The following RALB variants were observed in gnomAD, a reference collection of about 807,000 sequenced individuals.
RALB encodes the protein ras-related protein Ral-B.
In RALB, 16 loss-of-function variants were observed where a neutral mutation model predicts 21.3. The ratio of observed to expected loss-of-function variants is 0.75; its 90% CI spans 0.51 to 1.14. The LOEUF is 1.14. Ranked by LOEUF, RALB falls within the 50% of genes most tolerant of loss-of-function variation. The pLI, the probability that RALB is intolerant of heterozygous loss-of-function variation, is 0.00. For synonymous variants in RALB, 93 were observed against 96.1 expected (o/e 0.97, Z 0.19); for missense variants, 161 against 256.2 (o/e 0.63, Z 2.54).
At chr2:120,253,142 A>G (rs945133176) in intron 1 of RALB, among the ~76,000 whole-genome samples, 162 bp downstream of exon 1, 2 of 152,062 alleles carry the variant, frequency 1.3e-5, no homozygotes, top group African/African-American at 2.4e-5. Context: ...ACGCCCCGGC[A>G]GCGGCCCCGC....
At chr2:120,253,477 AT>A (rs1689114013) in intron 1 of RALB, 1 of 985,706 alleles carries the variant, frequency 1.0e-6, no homozygotes, top group Admixed American at 6.1e-5. Context: ...GCAAATGAGC[AT>A]AAAGTTGTTT....
At chr2:120,281,017 G>A in intron 2 of RALB, 2 of 310,388 alleles carry the variant, frequency 6.4e-6, no homozygotes, top group Non-Finnish European at 1.2e-5. Flanking sequence ...CACAAAGTTA[G>A]CAGGTTAAAA....
intron 1 of RALB, among the ~76,000 whole-genome samples, chr2:120,278,211 A>G (rs1689892742): frequency 6.6e-6 from 1 of 152,102 alleles, no homozygotes; most frequent in Admixed American, 6.5e-5. Context: ...GAGTAAAGCT[A>G]AAGAGCTGGG....
intron 1 of RALB, chr2:120,253,732 G>A: frequency 1.0e-6 from 1 of 985,164 alleles, no homozygotes; most frequent in East Asian, 1.1e-4. Flanking sequence ...TTCTTATCAG[G>A]TGAGTCTTCG....
intron 1 of RALB, among the ~76,000 whole-genome samples, chr2:120,272,841 A>G (rs577750627): frequency 5.8e-4 from 89 of 152,250 alleles, no homozygotes; most frequent in African/African-American, 2.1e-3. Context: ...CACCACTTGC[A>G]TACTTCTGCC....
chr2:120,285,905 A>G lies in RALB; in HGVS notation c.146A>G (p.Asp49Gly), dbSNP rs1265748358. 2 of 1,613,866 alleles carry G rather than the reference A, an allele frequency of 1.2e-6. No individual in the cohort carries two copies. The highest frequency in any genetic ancestry group is 1.7e-6 in the Non-Finnish European group (2 of 1,179,810). ...GAAGACTATGAACCTACCAAAGCTG[A>G]CAGTTATAGAAAGAAAGTGGTTCTT... The part of the protein sequence containing the change: ...FVEDYEPTKA[D>G]SYRKKVVLDG... Residue 49 changes from aspartate (D) to glycine (G), a missense_variant, in exon 3 of 5, where the codon GAC becomes GGC. By Grantham distance (94) the Asp-to-Gly change is moderately conservative (BLOSUM62 -1). Coordinates refer to ENST00000272519, the MANE Select transcript of RALB (RefSeq NM_002881.3).
At chr2:120,288,517 A>G (rs377125000) in intron 3 of RALB, among the ~76,000 whole-genome samples, 124 of 151,866 alleles carry the variant, frequency 8.2e-4, no homozygotes, top group African/African-American at 2.8e-3. Context: ...GTTACCCTAT[A>G]CCATATAAAA....
At chr2:120,271,980 A>T (rs764432168) in intron 1 of RALB, among the ~76,000 whole-genome samples, 7 of 152,222 alleles carry the variant, frequency 4.6e-5, no homozygotes, top group Non-Finnish European at 8.8e-5. Flanking sequence ...AGATAGAAAC[A>T]TGTTGAAGGG....
chr2:120,247,284 A>G (rs1257999592), intron 1 of RALB, among the ~76,000 whole-genome samples: 1 of 152,248 alleles, frequency 6.6e-6, no homozygotes, highest in East Asian at 1.9e-4. Flanking sequence ...ATGACAGCAG[A>G]AAGATAAGTC....
chr2:120,285,838 G>T, intron 2 of RALB, 36 bp from the exon 3 acceptor site: 1 of 1,581,968 alleles, frequency 6.3e-7, no homozygotes, highest in South Asian at 1.1e-5. Flanking sequence ...TTCCCCTTAA[G>T]ACTTTGTTAA....
intron 1 of RALB, among the ~76,000 whole-genome samples, chr2:120,269,920 CAGT>C (rs1689620288): frequency 1.3e-5 from 2 of 152,116 alleles, no homozygotes; most frequent in Non-Finnish European, 2.9e-5. Flanking sequence ...TTAATAATAT[CAGT>C]AGTATTCATT....
upstream of RALB, among the ~76,000 whole-genome samples, chr2:120,250,205 A>G (rs1689033339): frequency 2.0e-5 from 3 of 152,210 alleles, no homozygotes; most frequent in South Asian, 6.2e-4. Context: ...AGCTATGTGC[A>G]GTAACAAACA....
intron 2 of RALB, among the ~76,000 whole-genome samples, chr2:120,280,000 G>C (rs1003558545): frequency 1.3e-5 from 2 of 152,206 alleles, no homozygotes; most frequent in African/African-American, 4.8e-5. Context: ...ATCGCTGGCT[G>C]CAGGAGTACT....
chr2:120,240,738 A>C (rs1299273624), intron 1 of RALB, among the ~76,000 whole-genome samples: 1 of 151,926 alleles, frequency 6.6e-6, no homozygotes. Context: ...CCTCCATCAG[A>C]GCTTACTGTT....
At chr2:120,252,597 T>A (rs115044970), upstream of RALB, among the ~76,000 whole-genome samples, 1 of 152,160 alleles carries the variant, frequency 6.6e-6, no homozygotes, top group Non-Finnish European at 1.5e-5. Flanking sequence ...GGTTACCAGC[T>A]GCGTGTCCGA....
At chr2:120,257,170 G>C (rs906791444) in intron 1 of RALB, among the ~76,000 whole-genome samples, 1 of 152,180 alleles carries the variant, frequency 6.6e-6, no homozygotes, top group African/African-American at 2.4e-5. Flanking sequence ...AATCTCCTTT[G>C]ATGAATGGCT....
intron 1 of RALB, among the ~76,000 whole-genome samples, chr2:120,277,509 A>AAC (rs1365117515): frequency 1.4e-5 from 1 of 74,050 alleles, no homozygotes; most frequent in Non-Finnish European, 2.9e-5. Flanking sequence ...TGAGCATGTG[A>AAC]ACGTTAGAGC....
chr2:120,287,096 A>G (rs1690183868), intron 3 of RALB, among the ~76,000 whole-genome samples: 1 of 152,238 alleles, frequency 6.6e-6, no homozygotes, highest in Admixed American at 6.5e-5. Flanking sequence ...GAAAAAACCC[A>G]AAAATCAAAT....
chr2:120,253,814 G>T, intron 1 of RALB: 1 of 617,762 alleles, frequency 1.6e-6, no homozygotes, highest in Non-Finnish European at 2.0e-6. Context: ...TGCTCATCTG[G>T]GTTACCTGTG....
Sources: gnomAD v4.1 joint callset for allele counts (sites outside exome capture counted in the v4.1 genomes callset) on GRCh38, gnomAD v4.1.1 for gene constraint, MANE v1.5 for transcripts, NCBI Gene and HGNC (gene_info 2026-07-23, HGNC 2026-07-21) for gene names.